Variants in POF1B observed in about 807,000 individuals in gnomAD.
POF1B encodes protein POF1B.
In POF1B, 53 loss-of-function variants were observed where a neutral mutation model predicts 55.3. The ratio of observed to expected loss-of-function variants is 0.96; its 90% confidence interval spans 0.77 to 1.20. POF1B has a LOEUF of 1.20. Ranked by LOEUF, POF1B falls within the 50% of genes most tolerant of loss-of-function variation. POF1B has a pLI of 0.00. For synonymous variants in POF1B, 188 were observed against 148.3 expected (o/e 1.27, Z -1.95); for missense variants, 478 against 420.5 (o/e 1.14, Z -1.20).
intron 15 of POF1B, among the ~76,000 whole-genome samples, chrX:85,285,933 A>G (rs56085969): frequency 0.019 from 2,157 of 111,904 alleles, 46 homozygotes; most frequent in African/African-American, 0.066. Context: ...GCATGATAAA[A>G]AATGTTAAAA....
intron 6 of POF1B, among the ~76,000 whole-genome samples, chrX:85,335,152 G>A (rs907734454): frequency 4.5e-5 from 5 of 110,802 alleles, no homozygotes; most frequent in Non-Finnish European, 7.6e-5. Flanking sequence ...ATTATAAAGC[G>A]CTTAAAATGC....
At chrX:85,311,527 T>C (rs1348653742) in intron 9 of POF1B, among the ~76,000 whole-genome samples, 4 of 111,680 alleles carry the variant, frequency 3.6e-5, no homozygotes, top group Admixed American at 9.5e-5. Context: ...CATGAACTCA[T>C]CCTTTTTAAT....
intron 3 of POF1B, among the ~76,000 whole-genome samples, chrX:85,366,017 C>A (rs778213174): frequency 9.0e-6 from 1 of 111,041 alleles, no homozygotes. Flanking sequence ...TCAATGAGAA[C>A]AAAATCACAC....
At chrX:85,330,079 G>T (rs1932950468) in intron 7 of POF1B, among the ~76,000 whole-genome samples, 1 of 109,602 alleles carries the variant, frequency 9.1e-6, no homozygotes, top group Admixed American at 9.8e-5. Flanking sequence ...TTTTGAATTT[G>T]TGGAGCTTTC....
At chrX:85,291,394 C>T (rs1027091525) in intron 15 of POF1B, among the ~76,000 whole-genome samples, 1 of 111,774 alleles carries the variant, frequency 8.9e-6, no homozygotes, top group Non-Finnish European at 1.9e-5. Context: ...GTTATTTTTG[C>T]TTTGTATTGC....
In POF1B at chrX:85,304,354, G is replaced by T. The variant is rs748254112; in HGVS notation, c.1555C>A (p.Arg519Ser). Residue 519 changes from arginine (R) to serine (S), a missense_variant, in exon 14 of 17, where the codon CGT (arginine) becomes AGT (serine). Coordinates refer to ENST00000262753, the MANE Select transcript of POF1B (RefSeq NM_024921.4). ...LLEEKDSLIKRQSEELSKLRQ... is the reference protein window; with the variant it reads ...LLEEKDSLIKSQSEELSKLRQ... ...CCTTCCTTTTATACCTCTGACTGAC[G>T]CTTTATGAGGGAATCCTTCTCTTCC... is the stretch of plus-strand genomic sequence containing the variant. 4 of 1,181,480 alleles carry T rather than the reference G, an allele frequency of 3.4e-6. No homozygotes were observed. The highest frequency in any genetic ancestry group is 3.4e-6 in the Non-Finnish European group (3 of 880,389).
Position 85,295,165 on chromosome X carries a change from C to G in POF1B, c.1649+8241G>C, listed in dbSNP as rs540689468. Among the ~76,000 whole-genome samples the G allele has an allele frequency of 2.7e-5, 3 of 111,731 alleles. No homozygotes were observed. In the South Asian group the frequency reaches 1.1e-3, roughly 41 times the overall value. On this transcript the variant is annotated intron_variant, in intron 15 of 16. Transcript: ENST00000262753. Reference sequence around the variant, plus strand: ...TGGTCTTTTTTATTCTTTCGAAGTACCAACTTTTGGTTTCATTGATCTTTG... The same window carrying G: ...TGGTCTTTTTTATTCTTTCGAAGTAGCAACTTTTGGTTTCATTGATCTTTG...
intron 15 of POF1B, among the ~76,000 whole-genome samples, chrX:85,283,154 G>A (rs1273774947): frequency 1.8e-5 from 2 of 111,124 alleles, no homozygotes; most frequent in Non-Finnish European, 3.8e-5. Context: ...ATACCCTAGC[G>A]AAAATCTAAA....
intron 6 of POF1B, among the ~76,000 whole-genome samples, chrX:85,332,907 T>G (rs750653613): frequency 9.0e-6 from 1 of 110,718 alleles, no homozygotes; most frequent in Non-Finnish European, 1.9e-5. Context: ...AAGGCATGAG[T>G]AGATGGGTAA....
In POF1B at chrX:85,364,955, C is replaced by A. The variant is rs112562010; in HGVS notation, c.357+2737G>T. Among the ~76,000 whole-genome samples, 466 of 111,208 alleles carry A rather than the reference C, an allele frequency of 4.2e-3. 3 individuals carry two copies. Among genetic ancestry groups the A allele is most frequent in the African/African-American group, 0.014 (441 of 30,612 alleles). The stretch of plus-strand genomic sequence containing the variant: ...GAGATTTTGTTCATTCCTTTTCATT[C>A]TTTTTTTTCTTTATTTTTGTCTGAC... On this transcript the variant is annotated intron_variant, in intron 3 of 16. Transcript: ENST00000262753.
At chrX:85,332,830 A>G (rs1266834785) in intron 6 of POF1B, among the ~76,000 whole-genome samples, 1 of 110,899 alleles carries the variant, frequency 9.0e-6, no homozygotes, top group African/African-American at 3.3e-5. Context: ...TTGTCCATGT[A>G]CCCTTTGGAG....
chrX:85,379,139 C>T (rs1156846443), intron 2 of POF1B, 34 bp downstream of exon 2: 25 of 1,184,862 alleles, frequency 2.1e-5, no homozygotes, highest in Non-Finnish European at 2.9e-5. Context: ...GATTGCCTTT[C>T]TCCACTAGTC....
At chrX:85,306,783 A>T (rs1362376441) in intron 11 of POF1B, among the ~76,000 whole-genome samples, 2 of 111,602 alleles carry the variant, frequency 1.8e-5, no homozygotes, top group Non-Finnish European at 3.8e-5. Flanking sequence ...CATCCAGAGA[A>T]TTCATCTAGA....
chrX:85,348,822 C>A (rs750234354), intron 5 of POF1B, among the ~76,000 whole-genome samples: 100 of 111,783 alleles, frequency 8.9e-4, no homozygotes, highest in Non-Finnish European at 1.6e-3. Context: ...ACAAGATATT[C>A]AATCTTTTAC....
Position 85,304,328 on chromosome X carries a change from CCCTT to C in POF1B, c.1566+11_1566+14del, listed in dbSNP as rs1932524666. On this transcript the variant is annotated intron_variant, in intron 14 of 16. Coordinates refer to ENST00000262753, the MANE Select transcript of POF1B (RefSeq NM_024921.4). ...TTGTATTACTTTTCTCCATCCCCAC[CCCTT>C]CCTTTTATACCTCTGACTGACGCTT... 2.6e-6 allele frequency: 3 copies of C among 1,165,423 alleles called. No homozygotes were observed. The Admixed American group carries it at 7.3e-5, about 29-fold the overall frequency.
At chrX:85,292,722 A>G (rs1932219220) in intron 15 of POF1B, among the ~76,000 whole-genome samples, 1 of 111,346 alleles carries the variant, frequency 9.0e-6, no homozygotes, top group Non-Finnish European at 1.9e-5. Context: ...GGAAACTGTC[A>G]ACAGAGTAAA....
chrX:85,346,212 T>C (rs1234693027), intron 5 of POF1B, among the ~76,000 whole-genome samples, 170 bp from the exon 6 acceptor site: 1 of 110,729 alleles, frequency 9.0e-6, no homozygotes, highest in African/African-American at 3.3e-5. Context: ...ATTGGGAAAA[T>C]TTGTATTGAA....
In POF1B at chrX:85,341,674, G is replaced by A. The variant is rs183200060; in HGVS notation, c.723+4186C>T. Among the ~76,000 whole-genome samples, 3 of 110,538 alleles carry A rather than the reference G, an allele frequency of 2.7e-5. No homozygotes were observed. The East Asian group carries it at 8.6e-4, about 32-fold the overall frequency. ...GCAATAAACATGGAGAGGAAGTTGA[G>A]CCACCTGTTAATGAGCGAGGGGATA... On this transcript the variant is annotated intron_variant, in intron 6 of 16. Transcript: ENST00000262753.
intron 2 of POF1B, among the ~76,000 whole-genome samples, chrX:85,369,581 AC>A (rs1481590551): frequency 9.0e-6 from 1 of 111,681 alleles, no homozygotes; most frequent in Non-Finnish European, 1.9e-5. Context: ...TGTATTATGT[AC>A]TAGATACATG....
Sources: allele counts gnomAD v4.1 joint callset (sites outside exome capture counted in the v4.1 genomes callset), GRCh38; gene constraint gnomAD v4.1.1; transcripts MANE v1.5; gene names NCBI Gene and HGNC (gene_info 2026-07-23, HGNC 2026-07-21).